ALS2: variants seen among roughly 807,000 people sequenced by gnomAD.
ALS2 encodes alsin.
Under a neutral mutation model 203.4 loss-of-function variants are expected in ALS2, and 117 were observed. The ratio of observed to expected loss-of-function variants is 0.58; its 90% CI spans 0.50 to 0.67. The LOEUF (loss-of-function observed/expected upper bound fraction) is 0.67, where lower values mean the gene tolerates loss of function less well. ALS2 is among the 30% of genes least tolerant of loss of function. The pLI is 0.00. For synonymous variants in ALS2, 718 were observed against 725.9 expected (o/e 0.99, Z 0.17); for missense variants, 1,715 against 1,989.4 (o/e 0.86, Z 2.62).
chr2:201,780,592 C>T (rs988691829), intron 1 of ALS2, among the ~76,000 whole-genome samples: 1 of 152,200 alleles, frequency 6.6e-6, no homozygotes, highest in Admixed American at 6.5e-5. Flanking sequence ...GCAGCTGAGA[C>T]CACTGCAGCG....
intron 33 of ALS2, among the ~76,000 whole-genome samples, chr2:201,702,447 G>A (rs1414491140): frequency 5.9e-5 from 9 of 152,038 alleles, no homozygotes; most frequent in Non-Finnish European, 1.0e-4. Context: ...CCCAGGAGTA[G>A]AACCATTGAG....
chr2:201,744,130 C>A lies in ALS2; in HGVS notation c.2170+128G>T, dbSNP rs538193862. 5 of 1,023,830 alleles carry A rather than the reference C, an allele frequency of 4.9e-6. No homozygotes were observed. In the East Asian group the frequency reaches 9.9e-5, roughly 20 times the overall value. The allele number at this position is 1,023,830 out of a possible 1,614,324, so 63.4% of individuals were successfully genotyped here. A position where few individuals can be genotyped will look rare whatever the true frequency, so the allele number is the denominator to read the frequency against. On this transcript the variant is annotated intron_variant, in intron 10 of 33. Transcript: ENST00000264276. ...TTGTAAATTGTTGACTACCTGTGTA[C>A]ACACACACAAAGACAGTGCATAGCA...
chr2:201,706,799 A>G (rs369522013), intron 29 of ALS2, 47 bp downstream of exon 29: 560 of 1,608,428 alleles, frequency 3.5e-4, no homozygotes, highest in Non-Finnish European at 4.2e-4. Context: ...TGCAGTTTGC[A>G]TTTTAAATTA....
At chr2:201,769,015 A>C (rs1163212919) in intron 1 of ALS2, 70 bp from the exon 2 acceptor site, 2 of 720,216 alleles carry the variant, frequency 2.8e-6, no homozygotes, top group Non-Finnish European at 4.6e-6. Context: ...AAAAAAAAAA[A>C]GCAGCCCTCT....
rs762372365 is a variant in ALS2, at chr2:201,709,960, C to T, written c.4201G>A (p.Val1401Ile). Residue 1401 changes from valine (V) to isoleucine (I), a missense_variant, in exon 27 of 34, where the codon GTA becomes ATA. Around this residue, in one of 3 missense-constraint regions of ALS2, gnomAD observed 1,227 missense variants for 1,413.5 expected, o/e 0.87. Transcript: ENST00000264276. ...VAVYRMTYVG[V>I]GANRRLLQEA... ...TGCAATAACCTGCGGTTGGCTCCTA[C>T]GCCCACGTATGTCATTCTATACACT... 16 of 1,614,000 alleles carry T rather than the reference C, an allele frequency of 9.9e-6. No individual in the cohort carries two copies. Among genetic ancestry groups the T allele is most frequent in the South Asian group, 8.8e-5 (8 of 91,084 alleles).
At position 201,761,113 on chromosome 2, in the gene ALS2, A is replaced by C; in HGVS notation, c.881T>G (p.Leu294Arg). The C allele has an allele frequency of 6.2e-7, 1 of 1,614,258 alleles. No homozygotes were observed. The highest frequency in any genetic ancestry group is 8.5e-7 in the Non-Finnish European group (1 of 1,180,044). The change falls in exon 4 of 34, where the codon CTT becomes CGT. Residue 294 changes from leucine (L) to arginine (R), a missense_variant. By Grantham distance (102) the Leu-to-Arg change is moderately radical (BLOSUM62 -2). Coordinates refer to ENST00000264276, the MANE Select transcript of ALS2 (RefSeq NM_020919.4). ...DRQEEVFENTLVANDQSVATE... is the reference protein window; with the variant it reads ...DRQEEVFENTRVANDQSVATE... ...AGCAACAGACTGATCATTTGCTACA[A>C]GAGTGTTCTCAAATACTTCTTCCTG...
intron 2 of ALS2, 71 bp from the exon 3 acceptor site, chr2:201,767,454 T>G: frequency 6.5e-7 from 1 of 1,538,210 alleles, no homozygotes; most frequent in Non-Finnish European, 8.9e-7. Flanking sequence ...TTAATACTTT[T>G]CATGATTGTA....
At chr2:201,709,575 T>C (rs1689914355) in intron 27 of ALS2, among the ~76,000 whole-genome samples, 1 of 152,236 alleles carries the variant, frequency 6.6e-6, no homozygotes, top group Non-Finnish European at 1.5e-5. Flanking sequence ...TTTAGATACA[T>C]GATTTTGCCT....
At chr2:201,729,663 G>A (rs533966458) in intron 13 of ALS2, among the ~76,000 whole-genome samples, 5 of 152,066 alleles carry the variant, frequency 3.3e-5, no homozygotes, top group African/African-American at 7.2e-5. Flanking sequence ...GGCGGATCAC[G>A]AGGTCAGGAG....
chr2:201,743,692 G>A (rs1034847993), intron 10 of ALS2, among the ~76,000 whole-genome samples: 9 of 152,108 alleles, frequency 5.9e-5, no homozygotes, highest in African/African-American at 2.2e-4. Context: ...GGCCAGGCTG[G>A]TCTCGAACTC....
At chr2:201,758,345 G>A (rs1193513154) in intron 4 of ALS2, among the ~76,000 whole-genome samples, 2 of 152,268 alleles carry the variant, frequency 1.3e-5, no homozygotes, top group South Asian at 4.1e-4. Flanking sequence ...CTCAACTCGA[G>A]TGCCTTTACT....
chr2:201,773,595 C>T (rs1187346044), intron 1 of ALS2, among the ~76,000 whole-genome samples: 1 of 152,146 alleles, frequency 6.6e-6, no homozygotes, highest in Non-Finnish European at 1.5e-5. Flanking sequence ...CTGTGAGAAA[C>T]CCAAGAGTAC....
rs1170821499 is a variant in ALS2 at position 201,767,301 on chromosome 2, A to G, written c.103T>C (p.Leu35=). The change falls in exon 3 of 34, where the codon TTG becomes CTG. Residue 35 remains leucine, a synonymous_variant. Transcript: ENST00000264276. ...ACAGTCTTTCCTCCCCAGCCTGGCA[A>G]TCTCTCTGGTGTTATGGGAAAGGAT... ...AGSFPITPER[L]PGWGGKTVLQ... 4 of 1,613,868 alleles carry G rather than the reference A, an allele frequency of 2.5e-6. No homozygotes were observed. The highest frequency in any genetic ancestry group is 2.2e-5 in the East Asian group (1 of 44,858).
chr2:201,727,172 C>T lies in ALS2; in HGVS notation c.2979+40G>A, dbSNP rs929237353. ...TTTATTACACAAGAGGCAGAAAGAG[C>T]CAGGGCGAAGATTGAAGGAAAATAC... is the stretch of plus-strand genomic sequence containing the variant. On this transcript the variant is annotated intron_variant, in intron 17 of 33. Transcript: ENST00000264276. 6 of 1,506,822 alleles carry T rather than the reference C, an allele frequency of 4.0e-6. No individual in the cohort carries two copies. The African/African-American group carries it at 8.3e-5, about 21-fold the overall frequency. 93.3% of individuals were successfully genotyped at this position (1,506,822 alleles called of 1,614,324 possible).
chr2:201,772,151 T>C (rs576569659), intron 1 of ALS2, among the ~76,000 whole-genome samples: 1 of 152,364 alleles, frequency 6.6e-6, no homozygotes, highest in African/African-American at 2.4e-5. Flanking sequence ...AAACCTTGCT[T>C]CTTAATAAAC....
intron 28 of ALS2, 69 bp downstream of exon 28, chr2:201,707,800 G>A: frequency 6.3e-7 from 1 of 1,577,198 alleles, no homozygotes; most frequent in Non-Finnish European, 8.7e-7. Flanking sequence ...CTTTCTCGCT[G>A]GGACTCTTTG....
At chr2:201,710,117 T>A in intron 26 of ALS2, 79 bp from the exon 27 acceptor site, 1 of 1,501,266 alleles carries the variant, frequency 6.7e-7, no homozygotes, top group South Asian at 1.1e-5. Context: ...AACAACTTCA[T>A]AAATGACACA....
intron 22 of ALS2, 97 bp downstream of exon 22, chr2:201,723,230 GTAC>G: frequency 7.2e-7 from 1 of 1,379,436 alleles, no homozygotes; most frequent in African/African-American, 1.4e-5. Context: ...AAGGAAAATA[GTAC>G]TAAGAAGGTG....
chr2:201,735,054 T>C (rs1290233657), intron 12 of ALS2, among the ~76,000 whole-genome samples: 1 of 152,190 alleles, frequency 6.6e-6, no homozygotes, highest in Non-Finnish European at 1.5e-5. Context: ...TGACGTATGC[T>C]ACAACATGAA....
Sources: gnomAD v4.1 joint callset for allele counts (sites outside exome capture counted in the v4.1 genomes callset) on GRCh38, gnomAD v4.1.1 for gene constraint, gnomAD v4.1.1 regional missense constraint, MANE v1.5 for transcripts, NCBI Gene and HGNC (gene_info 2026-07-23, HGNC 2026-07-21) for gene names.